The following FAM135B variants were observed in gnomAD, a reference collection of about 807,000 sequenced individuals.
FAM135B encodes protein FAM135B.
FAM135B carries 43 observed loss-of-function variants against 127.7 expected under a neutral mutation model. That is an observed-to-expected ratio of 0.34 (90% CI 0.26 to 0.43). FAM135B has a LOEUF of 0.43. FAM135B is among the 20% of genes least tolerant of loss of function. The probability of loss-of-function intolerance (pLI) is 1.00; values close to 1 mark genes in which losing one functional copy is unlikely to be tolerated. For missense variants in FAM135B, 1,558 were observed against 1,725.6 expected, an observed-to-expected ratio of 0.90 and a Z score of 1.72; for synonymous variants, 670 against 665.1, an observed-to-expected ratio of 1.01 and a Z score of -0.11.
At chr8:138,280,140 A>AC (rs922230311) in intron 3 of FAM135B, among the ~76,000 whole-genome samples, 11 of 152,114 alleles carry the variant, frequency 7.2e-5, no homozygotes, top group Admixed American at 6.5e-4. Flanking sequence ...CCTCTCTGCT[A>AC]CCCCCAACTG....
At chr8:138,162,370 C>T (rs62533569) in intron 12 of FAM135B, among the ~76,000 whole-genome samples, 20,695 of 152,156 alleles carry the variant, frequency 0.14, 1,584 homozygotes, top group Middle Eastern at 0.22. Context: ...AGAGTGGATG[C>T]ACGTCACTCA....
chr8:138,341,033 C>G lies in FAM135B; in HGVS notation c.77+26874G>C, dbSNP rs528704506. Among the ~76,000 whole-genome samples, 16 of 152,260 alleles carry G rather than the reference C, an allele frequency of 1.1e-4. 1 individual carries two copies. The highest frequency in any genetic ancestry group is 3.6e-4 in the African/African-American group (15 of 41,554). On this transcript the variant is annotated intron_variant, in intron 2 of 19. Coordinates refer to ENST00000395297, the MANE Select transcript of FAM135B (RefSeq NM_015912.4). ...CCAGCACCTAGGAGAGAAACTGAAACAAAGTACTCAAGAATTGTTTAGGAC... is the reference window on the plus strand; with the variant it reads ...CCAGCACCTAGGAGAGAAACTGAAAGAAAGTACTCAAGAATTGTTTAGGAC...
At chr8:138,490,564 C>A (rs755757435) in intron 1 of FAM135B, among the ~76,000 whole-genome samples, 1 of 152,092 alleles carries the variant, frequency 6.6e-6, no homozygotes, top group African/African-American at 2.4e-5. Flanking sequence ...AACTTCCTGT[C>A]GAAACAGCTG....
intron 9 of FAM135B, among the ~76,000 whole-genome samples, chr8:138,190,330 T>G (rs1180741858): frequency 1.3e-5 from 2 of 152,120 alleles, no homozygotes; most frequent in Non-Finnish European, 2.9e-5. Flanking sequence ...CAGGCCATGA[T>G]AGGAATGGTT....
At chr8:138,163,299 C>T (rs145360911) in intron 12 of FAM135B, among the ~76,000 whole-genome samples, 18 of 152,230 alleles carry the variant, frequency 1.2e-4, no homozygotes, top group Non-Finnish European at 2.1e-4. Context: ...AGGCTTTAGG[C>T]GAACCTCCCA....
intron 17 of FAM135B, among the ~76,000 whole-genome samples, chr8:138,139,324 C>A (rs1305792785): frequency 6.6e-6 from 1 of 152,142 alleles, no homozygotes; most frequent in Non-Finnish European, 1.5e-5. Context: ...GGACAACAGC[C>A]TTCGGAGTAA....
At chr8:138,405,230 A>C (rs548703206) in intron 1 of FAM135B, among the ~76,000 whole-genome samples, 20 of 142,036 alleles carry the variant, frequency 1.4e-4, no homozygotes, top group African/African-American at 5.1e-4. Flanking sequence ...TTTTCTTCTT[A>C]TTATTATACT....
chr8:138,452,274 C>A (rs559568416), intron 1 of FAM135B, among the ~76,000 whole-genome samples: 9 of 151,986 alleles, frequency 5.9e-5, no homozygotes, highest in African/African-American at 2.2e-4. Context: ...AGATGTTCCA[C>A]CACACCTGGC....
At chr8:138,399,812 G>A (rs985605491) in intron 1 of FAM135B, among the ~76,000 whole-genome samples, 8 of 152,160 alleles carry the variant, frequency 5.3e-5, no homozygotes, top group African/African-American at 1.4e-4. Flanking sequence ...TCACATTCAC[G>A]TCAGAATTCA....
intron 2 of FAM135B, among the ~76,000 whole-genome samples, chr8:138,367,663 G>A (rs1437410197): frequency 6.6e-6 from 1 of 152,022 alleles, no homozygotes; most frequent in Non-Finnish European, 1.5e-5. Flanking sequence ...AAGAGAGTAG[G>A]TAGAAGGGAG....
At chr8:138,409,059 A>G (rs1447342009) in intron 1 of FAM135B, among the ~76,000 whole-genome samples, 1 of 152,210 alleles carries the variant, frequency 6.6e-6, no homozygotes, top group East Asian at 1.9e-4. Flanking sequence ...GTTTGGCAAA[A>G]GAGGCCTAGC....
intron 12 of FAM135B, among the ~76,000 whole-genome samples, chr8:138,163,047 A>C (rs1463390096): frequency 6.6e-6 from 1 of 152,238 alleles, no homozygotes; most frequent in East Asian, 1.9e-4. Flanking sequence ...AAAGTAGCAG[A>C]AGATCTAATT....
chr8:138,167,765 T>C, intron 12 of FAM135B, 130 bp downstream of exon 12: 5 of 1,063,990 alleles, frequency 4.7e-6, no homozygotes, highest in Non-Finnish European at 5.3e-6. Flanking sequence ...CTTTGTTTCC[T>C]CTCTATGAAC....
rs557982950 is a variant in FAM135B, at chr8:138,471,253, A to G, written c.-20+25418T>C. Among the ~76,000 whole-genome samples the G allele has an allele frequency of 3.9e-5, 6 of 152,160 alleles. No individual in the cohort carries two copies. The East Asian group carries it at 1.2e-3, about 29-fold the overall frequency. ...CTTCTTAGTCTTTATGAAACTGCAA[A>G]GCCTTGTGGGGTTCCTAGGGAAAGG... On this transcript the variant is annotated intron_variant, in intron 1 of 19. Coordinates refer to ENST00000395297, the MANE Select transcript of FAM135B (RefSeq NM_015912.4).
Position 138,178,567 on chromosome 8 carries a change from T to C in FAM135B, c.997A>G (p.Thr333Ala). The C allele has an allele frequency of 6.2e-7, 1 of 1,614,004 alleles. No individual in the cohort carries two copies. Among genetic ancestry groups the C allele is most frequent in the Non-Finnish European group, 8.5e-7 (1 of 1,180,020 alleles). ...DTVTLHSQVT[T>A]YLTQEHHTLR... The stretch of plus-strand genomic sequence containing the variant: ...GTGTGGTGTTCCTGGGTGAGATAAG[T>C]GGTCACTTGGGAGTGCAGAGTGACT... Residue 333 changes from threonine (T) to alanine (A), a missense_variant, in exon 10 of 20, where the codon ACT becomes GCT. Physicochemically the swap from Thr to Ala is moderately conservative, Grantham distance 58. Coordinates refer to ENST00000395297, the MANE Select transcript of FAM135B (RefSeq NM_015912.4).
At chr8:138,437,379 C>T (rs1835511343) in intron 1 of FAM135B, 1 of 152,126 alleles carries the variant, frequency 6.6e-6, no homozygotes, top group South Asian at 2.1e-4. Flanking sequence ...GGCAGTTACT[C>T]TCATGCTGTT....
chr8:138,441,167 T>C (rs1835742768), intron 1 of FAM135B: 1 of 152,144 alleles, frequency 6.6e-6, no homozygotes, highest in Admixed American at 6.5e-5. Flanking sequence ...TGGATATTTT[T>C]TACAGCACTG....
At chr8:138,279,300 G>T (rs1196600320) in intron 3 of FAM135B, among the ~76,000 whole-genome samples, 1 of 152,212 alleles carries the variant, frequency 6.6e-6, no homozygotes, top group Non-Finnish European at 1.5e-5. Flanking sequence ...TAACCAGACT[G>T]TGGGCTTCTC....
intron 1 of FAM135B, among the ~76,000 whole-genome samples, chr8:138,466,991 G>A (rs1421942652): frequency 6.6e-6 from 1 of 152,070 alleles, no homozygotes; most frequent in East Asian, 1.9e-4. Context: ...GCAGATCCCA[G>A]AACTAAAGAT....
Sources: allele counts gnomAD v4.1 joint callset (sites outside exome capture counted in the v4.1 genomes callset), GRCh38; gene constraint gnomAD v4.1.1; transcripts MANE v1.5; gene names NCBI Gene and HGNC (gene_info 2026-07-23, HGNC 2026-07-21).